Variants in AGBL4 observed in about 807,000 individuals in gnomAD.
AGBL4 encodes the protein AGBL carboxypeptidase 4.
Under a neutral mutation model 66.4 loss-of-function variants are expected in AGBL4, and 58 were observed. That is an observed-to-expected ratio of 0.87 (90% CI 0.71 to 1.09). The LOEUF (loss-of-function observed/expected upper bound fraction) is 1.09, where lower values mean the gene tolerates loss of function less well. Among genes scored for constraint, AGBL4 ranks in the 50% least tolerant of loss-of-function variants. The pLI is 0.00. For missense variants in AGBL4, 579 were observed against 631.0 expected, an observed-to-expected ratio of 0.92 and a Z score of 0.88; for synonymous variants, 234 against 222.9, an observed-to-expected ratio of 1.05 and a Z score of -0.44.
rs184595844 is a variant in AGBL4, at chr1:49,434,081, G to A, written c.283-188217C>T. On this transcript the variant is annotated intron_variant, in intron 3 of 13. Transcript: ENST00000371839. ...GAGAGACATCTCTGCCCTGGAACAA[G>A]ATGCTCCAATCCCTGTAGCATATAC... Among the ~76,000 whole-genome samples, 3 of 152,332 alleles carry A rather than the reference G, an allele frequency of 2.0e-5. No homozygotes were observed. In the East Asian group the frequency reaches 5.8e-4, roughly 29 times the overall value.
At chr1:49,958,807 C>T (rs957942890) in intron 1 of AGBL4, among the ~76,000 whole-genome samples, 2 of 151,354 alleles carry the variant, frequency 1.3e-5, no homozygotes, top group Admixed American at 6.6e-5. Flanking sequence ...CAAACCTGCA[C>T]GTTGTGCACA....
intron 3 of AGBL4, among the ~76,000 whole-genome samples, chr1:49,566,625 C>T (rs564464559): frequency 6.5e-4 from 99 of 152,290 alleles, no homozygotes; most frequent in Non-Finnish European, 1.3e-3. Context: ...TATTGGTGAA[C>T]CGCAAATGCT....
intron 4 of AGBL4, among the ~76,000 whole-genome samples, chr1:49,211,903 G>A (rs1433625217): frequency 6.6e-6 from 1 of 152,046 alleles, no homozygotes; most frequent in African/African-American, 2.4e-5. Flanking sequence ...CACCCTGGCA[G>A]CTACCATTTG....
intron 3 of AGBL4, among the ~76,000 whole-genome samples, chr1:49,331,575 A>G (rs1231255869): frequency 1.3e-5 from 2 of 152,120 alleles, no homozygotes; most frequent in African/African-American, 2.4e-5. Flanking sequence ...ACCCTGGTCC[A>G]TTCCTCTTTA....
chr1:48,729,045 C>G (rs1647668321), intron 6 of AGBL4, among the ~76,000 whole-genome samples: 1 of 152,090 alleles, frequency 6.6e-6, no homozygotes, highest in South Asian at 2.1e-4. Context: ...AGCCTGGGGA[C>G]CTGGTGCAAC....
At chr1:49,739,827 A>G (rs1650267970) in intron 2 of AGBL4, among the ~76,000 whole-genome samples, 1 of 152,182 alleles carries the variant, frequency 6.6e-6, no homozygotes, top group Non-Finnish European at 1.5e-5. Context: ...AGTAAAAATA[A>G]AATCCTTCAC....
chr1:48,867,347 C>T lies in AGBL4; in HGVS notation c.595-117G>A, dbSNP rs145402627. ...GGGACATACTGCAGGGTAAATCATA[C>T]GGAATGTGGTACTCACTTCCAATTC... On this transcript the variant is annotated intron_variant, in intron 5 of 13. Transcript: ENST00000371839. The T allele has an allele frequency of 5.7e-4, 574 of 1,009,522 alleles. 1 individual carries two copies. The highest frequency in any genetic ancestry group is 8.0e-4 in the Non-Finnish European group (523 of 651,212). 62.5% of individuals were successfully genotyped at this position (1,009,522 alleles called of 1,614,324 possible).
intron 9 of AGBL4, among the ~76,000 whole-genome samples, chr1:48,622,906 A>G (rs1029953786): frequency 6.6e-6 from 1 of 152,206 alleles, no homozygotes; most frequent in Non-Finnish European, 1.5e-5. Context: ...CTTACAAACA[A>G]GGACACTGAA....
chr1:49,412,102 A>G lies in AGBL4; in HGVS notation c.283-166238T>C, dbSNP rs1570653994. The stretch of plus-strand genomic sequence containing the variant: ...CTAGTTTTATTTTTCTTTTCATAAA[A>G]AAAATCTGTAGAAAGAAAATAAAAT... On this transcript the variant is annotated intron_variant, in intron 3 of 13. Coordinates refer to ENST00000371839, the MANE Select transcript of AGBL4 (RefSeq NM_032785.4). 3.3e-5 allele frequency among the ~76,000 whole-genome samples: 5 copies of G among 152,298 alleles called. No homozygotes were observed. The East Asian group carries it at 7.7e-4, about 23-fold the overall frequency.
intron 3 of AGBL4, among the ~76,000 whole-genome samples, chr1:49,533,840 T>C (rs561666391): frequency 1.3e-5 from 2 of 152,162 alleles, no homozygotes; most frequent in South Asian, 4.1e-4. Context: ...TTTGAACATA[T>C]TCTTAGACAC....
rs181562352 is a variant in AGBL4 at position 50,004,557 on chromosome 1, T to C, written c.34+19206A>G. Among the ~76,000 whole-genome samples the C allele has an allele frequency of 1.1e-4, 17 of 152,204 alleles. No individual in the cohort carries two copies. In the East Asian group the frequency reaches 2.7e-3, roughly 24 times the overall value. ...GAAGGAAGGCTCAAGAGGAACTTTC[T>C]CTTGCAACTTGGATACCAGCTCAGC... On this transcript the variant is annotated intron_variant, in intron 1 of 13. Transcript: ENST00000371839.
chr1:49,304,719 G>T (rs184233996), intron 3 of AGBL4, among the ~76,000 whole-genome samples: 114 of 152,210 alleles, frequency 7.5e-4, no homozygotes, highest in Non-Finnish European at 1.2e-3. Context: ...AATAAACTTA[G>T]AAATGATAGA....
chr1:49,240,478 AG>A (rs1651133760), intron 4 of AGBL4, among the ~76,000 whole-genome samples: 1 of 151,792 alleles, frequency 6.6e-6, no homozygotes, highest in African/African-American at 2.4e-5. Context: ...TGACCTAGGT[AG>A]CAGTTGGCAG....
At chr1:49,149,284 C>T (rs1441814516) in intron 4 of AGBL4, among the ~76,000 whole-genome samples, 3 of 152,186 alleles carry the variant, frequency 2.0e-5, no homozygotes, top group African/African-American at 7.2e-5. Context: ...TCTGTATCTC[C>T]AATAAGCCTT....
chr1:49,846,374 AAGC>A (rs1646144229), intron 2 of AGBL4: 5 of 1,544,156 alleles, frequency 3.2e-6, no homozygotes, highest in Non-Finnish European at 4.5e-6. Flanking sequence ...CTCCCTTACC[AAGC>A]ACCAGAGAAC....
chr1:49,535,595 C>A (rs1651509863), intron 3 of AGBL4, among the ~76,000 whole-genome samples: 1 of 151,894 alleles, frequency 6.6e-6, no homozygotes, highest in African/African-American at 2.4e-5. Context: ...AAATATATAA[C>A]AAATAATTAT....
At chr1:48,630,372 G>A (rs147035214) in intron 9 of AGBL4, among the ~76,000 whole-genome samples, 26 of 152,190 alleles carry the variant, frequency 1.7e-4, no homozygotes, top group African/African-American at 4.3e-4. Context: ...ATCACTTCAG[G>A]TCTACTGTAC....
At chr1:48,775,153 AGTTTCTTTGGCCCTAG>A (rs896518243) in intron 6 of AGBL4, among the ~76,000 whole-genome samples, 15 of 152,250 alleles carry the variant, frequency 9.9e-5, no homozygotes, top group African/African-American at 3.4e-4. Flanking sequence ...CCCCTCCCTC[AGTTTCTTTGGCCCTAG>A]GTGTCTGGCA....
chr1:49,887,939 C>A (rs181218544), intron 1 of AGBL4, among the ~76,000 whole-genome samples: 172 of 152,150 alleles, frequency 1.1e-3, no homozygotes, highest in African/African-American at 3.9e-3. Context: ...ATATTAAATT[C>A]TCACATTTCC....
Sources: gnomAD v4.1 joint callset for allele counts (sites outside exome capture counted in the v4.1 genomes callset) on GRCh38, gnomAD v4.1.1 for gene constraint, MANE v1.5 for transcripts, NCBI Gene and HGNC (gene_info 2026-07-23, HGNC 2026-07-21) for gene names.